The following MAP3K19 variants were observed in gnomAD, a reference collection of about 807,000 sequenced individuals.
The protein encoded by MAP3K19 is mitogen-activated protein kinase kinase kinase 19, also known as SPS1/STE20-related protein kinase YSK4.
In MAP3K19, 91 loss-of-function variants were observed where a neutral mutation model predicts 114.4. That is an observed-to-expected ratio of 0.80 (90% CI 0.67 to 0.95). The LOEUF is 0.95. Among genes scored for constraint, MAP3K19 ranks in the 40% least tolerant of loss-of-function variants. The pLI is 0.00. For synonymous variants in MAP3K19, 518 were observed against 530.5 expected (o/e 0.98, Z 0.32); for missense variants, 1,471 against 1,573.2 (o/e 0.94, Z 1.10).
chr2:134,984,925 C>T (rs193059232), intron 10 of MAP3K19, among the ~76,000 whole-genome samples: 25 of 152,314 alleles, frequency 1.6e-4, no homozygotes, highest in African/African-American at 4.8e-4. Flanking sequence ...GCGCTCCAGC[C>T]TGGGCAATAG....
At chr2:135,000,130 A>G (rs1686335337) in intron 6 of MAP3K19, 115 bp from the exon 7 acceptor site, 2 of 707,652 alleles carry the variant, frequency 2.8e-6, no homozygotes, top group Non-Finnish European at 2.5e-6. Context: ...CAAAATGGAC[A>G]TTAATCAGGA....
At chr2:134,979,443 CGTGTGT>C (rs59337402) in intron 12 of MAP3K19, among the ~76,000 whole-genome samples, 26,669 of 146,692 alleles carry the variant, frequency 0.18, 2,571 homozygotes, top group Middle Eastern at 0.41. Flanking sequence ...TAAAGTGCTT[CGTGTGT>C]GTGTGTGTGT....
At chr2:134,970,290 G>A (rs1409273762) in intron 12 of MAP3K19, among the ~76,000 whole-genome samples, 1 of 152,026 alleles carries the variant, frequency 6.6e-6, no homozygotes, top group Non-Finnish European at 1.5e-5. Context: ...TTTCATCAAT[G>A]TTTTGTAGTT....
rs1303845361 is a variant in MAP3K19 at position 134,986,514 on chromosome 2, C to G, written c.2358G>C (p.Met786Ile). 6.2e-7 allele frequency: 1 copy of G among 1,614,026 alleles called. No homozygotes were observed. The highest frequency in any genetic ancestry group is 1.3e-5 in the African/African-American group (1 of 74,936). ...ACTGCTCAGGTGTCTGAGCCAAGTT[C>G]ATGGGATGAATTTCATCTTTGGAAG... is the stretch of plus-strand genomic sequence containing the variant. ...FLSSKDEIHP[M>I]NLAQTPEQSM... Residue 786 changes from methionine to isoleucine, a missense_variant, in exon 10 of 13, where the codon ATG becomes ATC. Coordinates refer to ENST00000392915, the MANE Select transcript of MAP3K19 (RefSeq NM_025052.5).
chr2:134,970,544 C>T (rs1191186514), intron 12 of MAP3K19, among the ~76,000 whole-genome samples: 3 of 150,754 alleles, frequency 2.0e-5, no homozygotes, highest in Non-Finnish European at 4.4e-5. Flanking sequence ...TATAAGATCA[C>T]GTCATCTGCA....
At chr2:135,044,639 G>A (rs1428133179) in intron 1 of MAP3K19, among the ~76,000 whole-genome samples, 1 of 152,116 alleles carries the variant, frequency 6.6e-6, no homozygotes, top group Non-Finnish European at 1.5e-5. Flanking sequence ...GTATTTAAAG[G>A]CACATTTGCA....
chr2:134,999,087 G>A lies in MAP3K19; in HGVS notation c.315-90C>T, dbSNP rs532183706. 92 of 1,416,890 alleles carry A rather than the reference G, an allele frequency of 6.5e-5. No individual in the cohort carries two copies. In the African/African-American group the frequency reaches 1.2e-3, roughly 19 times the overall value. 87.8% of individuals were successfully genotyped at this position (1,416,890 alleles called of 1,614,324 possible). The stretch of plus-strand genomic sequence containing the variant: ...CAGTTCAGCCTGACATCACTAGAAA[G>A]TTTGAAGAACTACTTCCAAATGGTG... On this transcript the variant is annotated intron_variant, in intron 7 of 12. Coordinates refer to ENST00000392915, the MANE Select transcript of MAP3K19 (RefSeq NM_025052.5). This position sits in a 1 kb window ranked among gnomAD's most constrained non-coding sequence, Gnocchi z 4.1.
chr2:134,975,227 G>A lies in MAP3K19; in HGVS notation c.3920+5594C>T, dbSNP rs145689399. Among the ~76,000 whole-genome samples the A allele has an allele frequency of 1.5e-3, 221 of 152,312 alleles. 1 individual carries two copies. Among genetic ancestry groups the A allele is most frequent in the Admixed American group, 4.7e-3 (72 of 15,300 alleles). On this transcript the variant is annotated intron_variant, in intron 12 of 12. Coordinates refer to ENST00000392915, the MANE Select transcript of MAP3K19 (RefSeq NM_025052.5). ...GTAGTGGCAGTGGTGTGCTGGGTGGGTGGATAGGTCCTTAGACTCCTGGGC... is the reference window on the plus strand; with the variant it reads ...GTAGTGGCAGTGGTGTGCTGGGTGGATGGATAGGTCCTTAGACTCCTGGGC...
Position 134,999,654 on chromosome 2 carries a change from GC to G in MAP3K19, c.314+282del, listed in dbSNP as rs1275124385. On this transcript the variant is annotated intron_variant, in intron 7 of 12. Transcript: ENST00000392915. This position sits in a 1 kb window ranked among gnomAD's most constrained non-coding sequence, Gnocchi z 4.1. ...GCCCGGGGACCAAATCCAGCCTTCA[GC>G]CTTTTTCTGTAGCTTTAATTGGATC... Among the ~76,000 whole-genome samples the G allele has an allele frequency of 2.0e-5, 3 of 152,114 alleles. No individual in the cohort carries two copies. The highest frequency in any genetic ancestry group is 7.2e-5 in the African/African-American group (3 of 41,430).
intron 1 of MAP3K19, among the ~76,000 whole-genome samples, chr2:135,046,166 T>C (rs1688737522): frequency 6.6e-6 from 1 of 152,202 alleles, no homozygotes; most frequent in Non-Finnish European, 1.5e-5. Flanking sequence ...CCCACAGTGC[T>C]TTTTATTATT....
At chr2:134,976,309 G>T (rs966016584) in intron 12 of MAP3K19, among the ~76,000 whole-genome samples, 6 of 152,188 alleles carry the variant, frequency 3.9e-5, no homozygotes, top group African/African-American at 1.2e-4. Context: ...CCATATTCTA[G>T]TCTCAGTGTC....
Position 134,986,149 on chromosome 2 carries a change from A to G in MAP3K19, c.2723T>C (p.Phe908Ser), listed in dbSNP as rs2105224954. 2 of 1,613,968 alleles carry G rather than the reference A, an allele frequency of 1.2e-6. No homozygotes were observed. The highest frequency in any genetic ancestry group is 2.2e-5 in the South Asian group (2 of 90,982). ...AGATGCACTTTCTTGTTTTGCTTGGAAAGAGAAATTTGTAAGTGTTTTAGA... is the reference window on the plus strand; with the variant it reads ...AGATGCACTTTCTTGTTTTGCTTGGGAAGAGAAATTTGTAAGTGTTTTAGA... ...DHSKTLTNFSFQAKQESASSQ... is the reference protein window; with the variant it reads ...DHSKTLTNFSSQAKQESASSQ... Residue 908 changes from phenylalanine to serine, a missense_variant, in exon 10 of 13, where the codon TTC becomes TCC. Transcript: ENST00000392915.
At chr2:135,037,727 T>G (rs190536569) in intron 2 of MAP3K19, among the ~76,000 whole-genome samples, 11 of 152,266 alleles carry the variant, frequency 7.2e-5, no homozygotes, top group Middle Eastern at 6.8e-3. Context: ...AAGAGTAGCT[T>G]TGCTCACTGC....
At chr2:135,001,275 A>G (rs1686424414) in intron 6 of MAP3K19, among the ~76,000 whole-genome samples, 1 of 152,210 alleles carries the variant, frequency 6.6e-6, no homozygotes, top group Admixed American at 6.5e-5. Flanking sequence ...ATGTTTCTCA[A>G]AGGAGACAAC....
At position 134,988,111 on chromosome 2, in the gene MAP3K19, T is replaced by C. The variant is rs908405997; in HGVS notation, c.761A>G (p.Gln254Arg). 2 of 1,614,016 alleles carry C rather than the reference T, an allele frequency of 1.2e-6. No individual in the cohort carries two copies. The highest frequency in any genetic ancestry group is 2.7e-5 in the African/African-American group (2 of 74,936). The change falls in exon 10 of 13, where the codon CAA becomes CGA. Residue 254 changes from glutamine (Q) to arginine (R), a missense_variant. Coordinates refer to ENST00000392915, the MANE Select transcript of MAP3K19 (RefSeq NM_025052.5). Reference protein sequence around the residue: ...FVPKLSVSVRQSDELSPSNEP... With the variant: ...FVPKLSVSVRRSDELSPSNEP... ...GTTTGATGGGCTGAGCTCATCAGATTGACGAACAGACACTGAGAGCTTAGG... is the reference window on the plus strand; with the variant it reads ...GTTTGATGGGCTGAGCTCATCAGATCGACGAACAGACACTGAGAGCTTAGG...
chr2:135,020,790 C>G (rs887059170), intron 5 of MAP3K19, among the ~76,000 whole-genome samples: 1 of 152,170 alleles, frequency 6.6e-6, no homozygotes, highest in African/African-American at 2.4e-5. Context: ...CTCTCTGTCT[C>G]TCCTACCACC....
chr2:134,987,384 C>T lies in MAP3K19; in HGVS notation c.1488G>A (p.Lys496=). The T allele has an allele frequency of 6.2e-7, 1 of 1,614,128 alleles. No individual in the cohort carries two copies. Residue 496 remains lysine, a synonymous_variant, in exon 10 of 13, where the codon AAG becomes AAA. Coordinates refer to ENST00000392915, the MANE Select transcript of MAP3K19 (RefSeq NM_025052.5). ...HITFPVDGSP[K]EPVIAKPSLQ... is the part of the protein sequence containing the mutation. ...GGCTTGGTTTGGCTATCACTGGTTC[C>T]TTGGGGCTTCCATCCACAGGGAAGG...
At chr2:134,997,684 T>C (rs1416079049) in intron 8 of MAP3K19, among the ~76,000 whole-genome samples, 1 of 151,954 alleles carries the variant, frequency 6.6e-6, no homozygotes, top group Admixed American at 6.6e-5. Context: ...CTGGGCGTGG[T>C]GGCATGCGCC....
At chr2:134,965,890 A>G (rs1351254778) in intron 12 of MAP3K19, among the ~76,000 whole-genome samples, 1 of 152,106 alleles carries the variant, frequency 6.6e-6, no homozygotes, top group Non-Finnish European at 1.5e-5. Flanking sequence ...CCCACCACAT[A>G]CACACCCTTC....
Sources: allele counts gnomAD v4.1 joint callset (sites outside exome capture counted in the v4.1 genomes callset), GRCh38; gene constraint gnomAD v4.1.1; non-coding constraint Gnocchi (gnomAD v3.1); transcripts MANE v1.5; gene names NCBI Gene and HGNC (gene_info 2026-07-23, HGNC 2026-07-21).